Variants in TAPBPL observed in about 807,000 individuals in gnomAD.
TAPBPL encodes the protein TAP binding protein like.
In TAPBPL, 32 loss-of-function variants were observed where a neutral mutation model predicts 44.8. That is an observed-to-expected ratio of 0.71 (90% CI 0.54 to 0.96). The LOEUF (loss-of-function observed/expected upper bound fraction) is 0.96. Among genes scored for constraint, TAPBPL ranks in the 40% least tolerant of loss-of-function variants. TAPBPL has a pLI of 0.00. For synonymous variants in TAPBPL, 230 were observed against 240.7 expected (o/e 0.96, Z 0.41); for missense variants, 520 against 586.6 (o/e 0.89, Z 1.17).
chr12:6,458,375 TAA>T (rs761222808), intron 4 of TAPBPL, among the ~76,000 whole-genome samples: 60 of 134,876 alleles, frequency 4.4e-4, no homozygotes, highest in South Asian at 1.2e-3. Flanking sequence ...GACACCATCT[TAA>T]AAAAAAAAAA....
At chr12:6,465,406 A>ATATATATGTATATATATATATAAATG (rs1949990044), downstream of TAPBPL, 2 of 87,522 alleles carry the variant, frequency 2.3e-5, no homozygotes, top group East Asian at 6.6e-4. Context: ...ATATAAATGT[A>ATATATATGTATATATATATATAAATG]TATATATGTA....
downstream of TAPBPL, chr12:6,470,648 C>T: frequency 2.2e-6 from 3 of 1,367,334 alleles, no homozygotes; most frequent in Non-Finnish European, 3.1e-6. Flanking sequence ...GCGCCGACTA[C>T]CCCGCGGTCT....
chr12:6,469,113 C>G (rs959056463), downstream of TAPBPL, among the ~76,000 whole-genome samples: 1 of 152,154 alleles, frequency 6.6e-6, no homozygotes, highest in Non-Finnish European at 1.5e-5. Flanking sequence ...TGACTCATTC[C>G]CCATTTGAAG....
downstream of TAPBPL, chr12:6,463,473 C>G (rs1949932437): frequency 9.6e-7 from 1 of 1,043,212 alleles, no homozygotes; most frequent in African/African-American, 1.7e-5. The surrounding 1 kb of genome is among the most constrained non-coding windows in gnomAD (Gnocchi z 4.0). Context: ...AGATCTCACA[C>G]TGCTAACACC....
At chr12:6,465,394 ATATATAAATG>A (rs1402556997), downstream of TAPBPL, 324 of 110,056 alleles carry the variant, frequency 2.9e-3, 14 homozygotes, top group Non-Finnish European at 5.1e-3. Context: ...ATGTATATAT[ATATATAAATG>A]TATATATATG....
Position 6,453,054 on chromosome 12 carries a change from C to A in TAPBPL, c.65-13C>A, listed in dbSNP as rs1481420340. Reference sequence around the variant, plus strand: ...CTGGGGAAGGCGGTGCTCACCCCAGCCTTTGTCTGCAGAGCCCCACCCAGC... The same window carrying A: ...CTGGGGAAGGCGGTGCTCACCCCAGACTTTGTCTGCAGAGCCCCACCCAGC... On this transcript the variant is annotated splice_polypyrimidine_tract_variant and intron_variant, in intron 1 of 6. Coordinates refer to ENST00000266556, the MANE Select transcript of TAPBPL (RefSeq NM_018009.5). The surrounding 1 kb of genome is among the most constrained non-coding windows in gnomAD (Gnocchi z 4.8). 2 of 1,562,244 alleles carry A rather than the reference C, an allele frequency of 1.3e-6. No individual in the cohort carries two copies. The highest frequency in any genetic ancestry group is 1.7e-6 in the Non-Finnish European group (2 of 1,153,386).
downstream of TAPBPL, chr12:6,466,385 A>C (rs375925033): frequency 1.3e-6 from 2 of 1,588,958 alleles, no homozygotes; most frequent in African/African-American, 2.7e-5. Context: ...ACACAAAGTG[A>C]CCAAGACAAG....
At position 6,452,186 on chromosome 12, in the gene TAPBPL, C is replaced by T; in HGVS notation, c.-63C>T. On this transcript the variant is annotated 5_prime_UTR_variant, in exon 1 of 7. Coordinates refer to ENST00000266556, the MANE Select transcript of TAPBPL (RefSeq NM_018009.5). ...AGAGCCCCCTTCTTCCGCCGGGCCT[C>T]GCAAGCAGCGTAGGACTGTGGAGAA... 1 of 1,545,060 alleles carries T rather than the reference C, an allele frequency of 6.5e-7. No homozygotes were observed. Among genetic ancestry groups the T allele is most frequent in the Non-Finnish European group, 8.8e-7 (1 of 1,141,358 alleles).
At chr12:6,464,055 C>T, downstream of TAPBPL, 1 of 1,298,208 alleles carries the variant, frequency 7.7e-7, no homozygotes, top group Non-Finnish European at 1.0e-6. Context: ...CAGCCCCTCC[C>T]TAGCTCCTAC....
At chr12:6,452,995 G>A in intron 1 of TAPBPL, 72 bp from the exon 2 acceptor site, 1 of 1,443,250 alleles carries the variant, frequency 6.9e-7, no homozygotes, top group South Asian at 1.3e-5. Context: ...CACAGCTTGA[G>A]GGCGGGGGCA....
chr12:6,460,838 G>C lies in TAPBPL; in HGVS notation c.1208-17G>C. ...CCTGCGCACGATGATCCCCGCCCAC[G>C]TTGCTCTCACCTACAGAGCGGAGAA... On this transcript the variant is annotated splice_polypyrimidine_tract_variant and intron_variant, in intron 5 of 6. Coordinates refer to ENST00000266556, the MANE Select transcript of TAPBPL (RefSeq NM_018009.5). 1 of 1,613,592 alleles carries C rather than the reference G, an allele frequency of 6.2e-7. No individual in the cohort carries two copies. Among genetic ancestry groups the C allele is most frequent in the Non-Finnish European group, 8.5e-7 (1 of 1,179,576 alleles).
downstream of TAPBPL, chr12:6,463,976 C>T (rs2137001825): frequency 7.7e-7 from 1 of 1,290,772 alleles, no homozygotes; most frequent in Non-Finnish European, 1.0e-6. This position sits in a 1 kb window ranked among gnomAD's most constrained non-coding sequence, Gnocchi z 4.0. Flanking sequence ...CCCCAGGACC[C>T]TCTTCAGGCC....
chr12:6,462,412 C>T (rs1592143137), downstream of TAPBPL: 19 of 494,306 alleles, frequency 3.8e-5, no homozygotes, highest in East Asian at 5.8e-4. Context: ...AACCCCACAT[C>T]GTCTCATGGC....
chr12:6,468,810 G>C (rs983320400), downstream of TAPBPL, among the ~76,000 whole-genome samples: 1 of 152,034 alleles, frequency 6.6e-6, no homozygotes, highest in African/African-American at 2.4e-5. Flanking sequence ...AGATGTTCTC[G>C]GCCAAGGAAG....
At chr12:6,452,364 C>A in intron 1 of TAPBPL, 52 bp downstream of exon 1, 1 of 1,544,118 alleles carries the variant, frequency 6.5e-7, no homozygotes, top group Non-Finnish European at 8.8e-7. Context: ...ACTGAAGCCC[C>A]AGGGTGCCAC....
At chr12:6,467,405 A>G (rs1415118518), downstream of TAPBPL, among the ~76,000 whole-genome samples, 1 of 152,182 alleles carries the variant, frequency 6.6e-6, no homozygotes, top group African/African-American at 2.4e-5. Context: ...GTGGTCTCAG[A>G]TGGAGATGAG....
At chr12:6,467,836 A>G (rs1309171195), downstream of TAPBPL, among the ~76,000 whole-genome samples, 1 of 152,244 alleles carries the variant, frequency 6.6e-6, no homozygotes, top group Non-Finnish European at 1.5e-5. Flanking sequence ...AGAGGGGCCA[A>G]TGCAGGGCTC....
chr12:6,460,748 C>CA (rs1345754818), intron 5 of TAPBPL, 107 bp from the exon 6 acceptor site: 3 of 1,066,582 alleles, frequency 2.8e-6, no homozygotes, highest in Middle Eastern at 4.1e-4. Flanking sequence ...CAGGGACTCA[C>CA]ACACACAATC....
chr12:6,452,297 G>A lies in TAPBPL; in HGVS notation c.49G>A (p.Gly17Arg), dbSNP rs1480480238. ...CCTGCTGCTCTGCCTGGCTCTATCT[G>A]GAGCAGCAGAAACCAGTGAGTCTGG... is the stretch of plus-strand genomic sequence containing the variant. ...WCLLLCLALS[G>R]AAETKPHPAE... Residue 17 changes from glycine (G) to arginine (R), a missense_variant, in exon 1 of 7, where the codon GGA becomes AGA. By Grantham distance (125) the Gly-to-Arg change is moderately radical. Coordinates refer to ENST00000266556, the MANE Select transcript of TAPBPL (RefSeq NM_018009.5). The A allele has an allele frequency of 1.5e-5, 24 of 1,575,432 alleles. 1 individual carries two copies. Among genetic ancestry groups the A allele is most frequent in the Middle Eastern group, 1.8e-4 (1 of 5,620 alleles).
Sources: allele counts gnomAD v4.1 joint callset (sites outside exome capture counted in the v4.1 genomes callset), GRCh38; gene constraint gnomAD v4.1.1; non-coding constraint Gnocchi (gnomAD v3.1); transcripts MANE v1.5; gene names NCBI Gene and HGNC (gene_info 2026-07-23, HGNC 2026-07-21).